RAVER1: variants seen among roughly 807,000 people sequenced by gnomAD.
The protein encoded by RAVER1 is ribonucleoprotein, PTB binding 1.
In RAVER1, 36 loss-of-function variants were observed where a neutral mutation model predicts 68.4. That is an observed-to-expected ratio of 0.53 (90% CI 0.40 to 0.70). The LOEUF (loss-of-function observed/expected upper bound fraction) is 0.70. Among genes scored for constraint, RAVER1 ranks in the 30% least tolerant of loss-of-function variants. RAVER1 has a pLI of 0.00. For missense variants in RAVER1, 933 were observed against 1,019.8 expected, an observed-to-expected ratio of 0.91 and a Z score of 1.16; for synonymous variants, 469 against 472.7, an observed-to-expected ratio of 0.99 and a Z score of 0.10.
In RAVER1 at chr19:10,328,538, T is replaced by G; in HGVS notation, c.756+104A>C. ...CTGCACTCCAGCATGGGTGACAAAG[T>G]GAGACTGTCTCAAAAAAAAAAAAGA... On this transcript the variant is annotated intron_variant, in intron 3 of 12. Coordinates refer to ENST00000617231, the MANE Select transcript of RAVER1 (RefSeq NM_133452.3). This position sits in a 1 kb window ranked among gnomAD's most constrained non-coding sequence, Gnocchi z 4.4. 1.3e-6 allele frequency: 1 copy of G among 749,638 alleles called. No homozygotes were observed. The highest frequency in any genetic ancestry group is 2.1e-6 in the Non-Finnish European group (1 of 471,458). The allele number at this position is 749,638 out of a possible 1,614,324, so 46.4% of individuals were successfully genotyped here.
chr19:10,324,170 AAAG>A (rs1288981682), intron 3 of RAVER1, among the ~76,000 whole-genome samples: 4 of 151,726 alleles, frequency 2.6e-5, no homozygotes, highest in Admixed American at 6.6e-5. Context: ...AAAAAAAAAA[AAAG>A]AGATAATCAG....
chr19:10,330,630 A>C (rs2040508262), intron 1 of RAVER1, 104 bp from the exon 2 acceptor site: 1 of 626,836 alleles, frequency 1.6e-6, no homozygotes, highest in Non-Finnish European at 3.0e-6. Flanking sequence ...GTCAATTACC[A>C]CCCCCCATTT....
intron 3 of RAVER1, among the ~76,000 whole-genome samples, chr19:10,326,006 A>G (rs1016972679): frequency 6.6e-6 from 1 of 152,162 alleles, no homozygotes; most frequent in Non-Finnish European, 1.5e-5. Context: ...CTGTAATCTC[A>G]GCACTTGGGG....
At chr19:10,320,976 G>C in intron 8 of RAVER1, 25 bp from the exon 9 acceptor site, 1 of 1,489,636 alleles carries the variant, frequency 6.7e-7, no homozygotes, top group Non-Finnish European at 8.9e-7. Context: ...CAGGATTCGA[G>C]AGGGCCCCCG....
At chr19:10,326,273 A>G (rs1227286310) in intron 3 of RAVER1, among the ~76,000 whole-genome samples, 1 of 152,180 alleles carries the variant, frequency 6.6e-6, no homozygotes, top group East Asian at 1.9e-4. Flanking sequence ...ATAAAATAAA[A>G]TAAAAGAAAG....
chr19:10,333,143 G>T lies in RAVER1; in HGVS notation c.219+146C>A. The T allele has an allele frequency of 3.9e-6, 3 of 765,270 alleles. No homozygotes were observed. Among genetic ancestry groups the T allele is most frequent in the Non-Finnish European group, 6.1e-6 (3 of 489,850 alleles). 47.4% of individuals were successfully genotyped at this position (765,270 alleles called of 1,614,324 possible). On this transcript the variant is annotated intron_variant, in intron 1 of 12. Coordinates refer to ENST00000617231, the MANE Select transcript of RAVER1 (RefSeq NM_133452.3). This position sits in a 1 kb window ranked among gnomAD's most constrained non-coding sequence, Gnocchi z 4.2. The stretch of plus-strand genomic sequence containing the variant: ...CATCGCCCCCCCACGTCCCGCTCTT[G>T]GTCTCTCCCGATCCCGCGTGGATCC...
Position 10,317,183 on chromosome 19 carries a change from T to A in RAVER1, c.*271A>T. On this transcript the variant is annotated 3_prime_UTR_variant, in exon 13 of 13. Transcript: ENST00000617231. This position sits in a 1 kb window ranked among gnomAD's most constrained non-coding sequence, Gnocchi z 4.3. ...GAGACGGGCACAGCGGAGGAGGAGATGGGGGGAGGGAGGGAGAGCAGGCCG... is the reference window on the plus strand; with the variant it reads ...GAGACGGGCACAGCGGAGGAGGAGAAGGGGGGAGGGAGGGAGAGCAGGCCG... 1 of 490,092 alleles carries A rather than the reference T, an allele frequency of 2.0e-6. No individual in the cohort carries two copies. The highest frequency in any genetic ancestry group is 3.6e-6 in the Non-Finnish European group (1 of 276,348). The allele number at this position is 490,092 out of a possible 1,614,324, so 30.4% of individuals were successfully genotyped here.
chr19:10,322,738 GC>G lies in RAVER1; in HGVS notation c.1079del (p.Gly360AlafsTer147), dbSNP rs2040447423. The G allele has an allele frequency of 6.7e-7, 1 of 1,489,356 alleles. No individual in the cohort carries two copies. The highest frequency in any genetic ancestry group is 8.9e-7 in the Non-Finnish European group (1 of 1,127,832). 92.3% of individuals were successfully genotyped at this position (1,489,356 alleles called of 1,614,324 possible). ...GCATGGCTGGGGGGGCACCCAGGAGGCCTGGAGGGAGACATAGGAGGATGTG... is the reference window on the plus strand; with the variant it reads ...GCATGGCTGGGGGGGCACCCAGGAGGCTGGAGGGAGACATAGGAGGATGTG... ...LLHGSAGGKQ[G>X]LLGAPPAMPL... On this transcript the variant is annotated frameshift_variant and splice_region_variant, in exon 6 of 13. Transcript: ENST00000617231. LOFTEE classifies it high-confidence loss of function. The surrounding 1 kb of genome is among the most constrained non-coding windows in gnomAD (Gnocchi z 4.3).
At chr19:10,332,790 G>A (rs1379990081) in intron 1 of RAVER1, among the ~76,000 whole-genome samples, 2 of 151,986 alleles carry the variant, frequency 1.3e-5, no homozygotes, top group African/African-American at 4.8e-5. Context: ...GGTTTTGGGG[G>A]CTGAGACCCA....
rs1442657077 is a variant in RAVER1 at position 10,330,486 on chromosome 19, C to T, written c.260G>A (p.Cys87Tyr). Reference sequence around the variant, plus strand: ...TGTCCCTTTGTATTTGTCCACAAAACAGTATTTGAGCTCATAGTCACTGAG... The same window carrying T: ...TGTCCCTTTGTATTTGTCCACAAAATAGTATTTGAGCTCATAGTCACTGAG... ...DLLSDYELKYCFVDKYKGTAF... is the reference protein window; with the variant it reads ...DLLSDYELKYYFVDKYKGTAF... Residue 87 changes from cysteine to tyrosine, a missense_variant, in exon 2 of 13, where the codon TGT becomes TAT. Cys to Tyr is a radical substitution (Grantham distance 194, BLOSUM62 -2). This residue lies in a region of RAVER1 where 211 missense variants were observed against 230.0 expected (regional missense o/e 0.92). Transcript: ENST00000617231. 2 of 1,543,822 alleles carry T rather than the reference C, an allele frequency of 1.3e-6. No individual in the cohort carries two copies.
In RAVER1 at chr19:10,316,508, A is replaced by G. The variant is rs529123018; in HGVS notation, c.*946T>C. On this transcript the variant is annotated 3_prime_UTR_variant, in exon 13 of 13. Coordinates refer to ENST00000617231, the MANE Select transcript of RAVER1 (RefSeq NM_133452.3). ...GTGGGCAGGCAGAATTCAAGAATTC[A>G]TCTTCAACAAGCGAGTGACAGCAGA... is the stretch of plus-strand genomic sequence containing the variant. 1.0e-6 allele frequency: 1 copy of G among 989,284 alleles called. No individual in the cohort carries two copies. The highest frequency in any genetic ancestry group is 6.1e-5 in the Admixed American group (1 of 16,316). 61.3% of individuals were successfully genotyped at this position (989,284 alleles called of 1,614,324 possible). A position where few individuals can be genotyped will look rare whatever the true frequency, so the allele number is the denominator to read the frequency against.
Position 10,321,611 on chromosome 19 carries a change from C to A in RAVER1, c.1181G>T (p.Gly394Val). 7.1e-7 allele frequency: 1 copy of A among 1,412,380 alleles called. No individual in the cohort carries two copies. Among genetic ancestry groups the A allele is most frequent in the South Asian group, 1.8e-5 (1 of 55,532 alleles). 87.5% of individuals were successfully genotyped at this position (1,412,380 alleles called of 1,614,324 possible). Residue 394 changes from glycine (G) to valine (V), a missense_variant, in exon 7 of 13, where the codon GGC (glycine) becomes GTC (valine). By Grantham distance (109) the Gly-to-Val change is moderately radical. Coordinates refer to ENST00000617231, the MANE Select transcript of RAVER1 (RefSeq NM_133452.3). ...GCCCAGGGGTGAGTCTCCCAGGATG[C>A]CGGGCTTCTAGGGACAGAGCACAGA... ...ALQTQGQKKP[G>V]ILGDSPLGAL...
chr19:10,318,775 C>T (rs1345938127), intron 10 of RAVER1, among the ~76,000 whole-genome samples: 1 of 152,228 alleles, frequency 6.6e-6, no homozygotes, highest in Non-Finnish European at 1.5e-5. Context: ...CACGAATGGG[C>T]ACACAGAAAC....
chr19:10,328,531 G>T lies in RAVER1; in HGVS notation c.756+111C>A. ...TGTATCACTGCACTCCAGCATGGGT[G>T]ACAAAGTGAGACTGTCTCAAAAAAA... is the stretch of plus-strand genomic sequence containing the variant. On this transcript the variant is annotated intron_variant, in intron 3 of 12. Coordinates refer to ENST00000617231, the MANE Select transcript of RAVER1 (RefSeq NM_133452.3). The surrounding 1 kb of genome is among the most constrained non-coding windows in gnomAD (Gnocchi z 4.4). 1 of 713,164 alleles carries T rather than the reference G, an allele frequency of 1.4e-6. No homozygotes were observed. Among genetic ancestry groups the T allele is most frequent in the Non-Finnish European group, 2.3e-6 (1 of 438,304 alleles). 44.2% of individuals were successfully genotyped at this position (713,164 alleles called of 1,614,324 possible). A position where few individuals can be genotyped will look rare whatever the true frequency, so the allele number is the denominator to read the frequency against.
chr19:10,327,496 G>A (rs1202590403), intron 3 of RAVER1, among the ~76,000 whole-genome samples: 4 of 151,990 alleles, frequency 2.6e-5, no homozygotes, highest in East Asian at 1.9e-4. Context: ...CGAGGGATCC[G>A]CCCGCCTCAG....
In RAVER1 at chr19:10,322,662, GC is replaced by G; in HGVS notation, c.1155del (p.Gln386ArgfsTer121). ...TGTGTTACCTTCTGGCCCTGGGTCT[GC>G]AGGGCGAGCTGCAACAGCGCCGTGG... ...ALSTALLQLA[L>X]QTQGQKKPGI... On this transcript the variant is annotated frameshift_variant, in exon 6 of 13. Coordinates refer to ENST00000617231, the MANE Select transcript of RAVER1 (RefSeq NM_133452.3). LOFTEE classifies it high-confidence loss of function. This position sits in a 1 kb window ranked among gnomAD's most constrained non-coding sequence, Gnocchi z 4.3. 1 of 1,536,748 alleles carries G rather than the reference GC, an allele frequency of 6.5e-7. No homozygotes were observed. The highest frequency in any genetic ancestry group is 1.3e-5 in the South Asian group (1 of 78,246).
intron 3 of RAVER1, among the ~76,000 whole-genome samples, chr19:10,325,271 C>G (rs1175475626): frequency 5.3e-5 from 8 of 152,168 alleles, no homozygotes; most frequent in Non-Finnish European, 1.0e-4. Flanking sequence ...GCCACCCAGA[C>G]TGGAATGCAG....
intron 3 of RAVER1, among the ~76,000 whole-genome samples, chr19:10,327,651 G>A (rs2040484546): frequency 6.6e-6 from 1 of 152,156 alleles, no homozygotes; most frequent in African/African-American, 2.4e-5. Flanking sequence ...CCAGACCCTG[G>A]CTGTTTAACT....
chr19:10,329,032 T>G lies in RAVER1; in HGVS notation c.366A>C (p.Glu122Asp). 6.4e-7 allele frequency: 1 copy of G among 1,553,162 alleles called. No homozygotes were observed. The highest frequency in any genetic ancestry group is 8.7e-7 in the Non-Finnish European group (1 of 1,147,408). The change falls in exon 3 of 13, where the codon GAA (glutamate) becomes GAC (aspartate). Residue 122 changes from glutamate (E) to aspartate (D), a missense_variant. This residue lies in a region of RAVER1 where 211 missense variants were observed against 230.0 expected (regional missense o/e 0.92). Coordinates refer to ENST00000617231, the MANE Select transcript of RAVER1 (RefSeq NM_133452.3). This position sits in a 1 kb window ranked among gnomAD's most constrained non-coding sequence, Gnocchi z 4.6. The part of the protein sequence containing the change: ...AFHQSRLRER[E>D]LSVQLQPTDA... ...CCGTGGGCTGCAGCTGCACCGACAG[T>G]TCACGCTCCCGCAGGCGGCTCTGGT...
Sources: allele counts gnomAD v4.1 joint callset (sites outside exome capture counted in the v4.1 genomes callset), GRCh38; gene constraint gnomAD v4.1.1; regional missense constraint gnomAD v4.1.1; non-coding constraint Gnocchi (gnomAD v3.1); transcripts MANE v1.5; gene names NCBI Gene and HGNC (gene_info 2026-07-23, HGNC 2026-07-21).